Variants in RNF150 observed in about 807,000 individuals in gnomAD.
The protein encoded by RNF150 is ring finger protein 150.
In RNF150, 24 loss-of-function variants were observed where a neutral mutation model predicts 39.3. The ratio of observed to expected loss-of-function variants is 0.61; its 90% CI spans 0.44 to 0.86. The LOEUF is 0.86. Among genes scored for constraint, RNF150 ranks in the 40% least tolerant of loss-of-function variants. The pLI is 0.00. For synonymous variants in RNF150, 255 were observed against 227.3 expected, an observed-to-expected ratio of 1.12 and a Z score of -1.10; for missense variants, 502 against 587.8, an observed-to-expected ratio of 0.85 and a Z score of 1.51.
At chr4:141,007,497 G>C (rs1734918167) in intron 1 of RNF150, among the ~76,000 whole-genome samples, 2 of 152,114 alleles carry the variant, frequency 1.3e-5, no homozygotes, top group Admixed American at 6.5e-5. Context: ...TATATTTTAT[G>C]TTTCAGTTGA....
chr4:140,988,484 AAT>A (rs777499889), intron 1 of RNF150, among the ~76,000 whole-genome samples: 139 of 151,636 alleles, frequency 9.2e-4, no homozygotes, highest in Non-Finnish European at 1.8e-3. Context: ...AATATTCACA[AAT>A]ATATATATAT....
At chr4:141,137,096 T>C (rs1427016648), upstream of RNF150, among the ~76,000 whole-genome samples, 1 of 152,068 alleles carries the variant, frequency 6.6e-6, no homozygotes, top group Non-Finnish European at 1.5e-5. Context: ...AAAGAAACCA[T>C]TAAGACCATT....
At chr4:141,172,776 G>A (rs570738373) in intron 1 of RNF150, among the ~76,000 whole-genome samples, 139 of 152,304 alleles carry the variant, frequency 9.1e-4, no homozygotes, top group African/African-American at 3.2e-3. Flanking sequence ...TGTAATCCCA[G>A]CACTTTGGAA....
Position 140,861,804 on chromosome 4 carries a change from G to A in RNF150, c.*6457C>T, listed in dbSNP as rs938801343. On this transcript the variant is annotated 3_prime_UTR_variant, in exon 7 of 7. Coordinates refer to ENST00000515673, the MANE Select transcript of RNF150 (RefSeq NM_020724.2). ...AACAATGTTCTGAGTTCAGTAAAGCGCTAGATTTGTTGGAAAGTTTTGAAG... is the reference window on the plus strand; with the variant it reads ...AACAATGTTCTGAGTTCAGTAAAGCACTAGATTTGTTGGAAAGTTTTGAAG... The A allele has an allele frequency of 6.6e-6, 1 of 152,128 alleles. No individual in the cohort carries two copies. The highest frequency in any genetic ancestry group is 1.5e-5 in the Non-Finnish European group (1 of 68,016). 9.4% of individuals were successfully genotyped at this position (152,128 alleles called of 1,614,324 possible).
chr4:141,205,440 A>T (rs1728359679), intron 1 of RNF150, among the ~76,000 whole-genome samples: 1 of 152,304 alleles, frequency 6.6e-6, no homozygotes, highest in East Asian at 1.9e-4. Context: ...TTGGGTTTGG[A>T]AAGGCAAAAT....
intron 1 of RNF150, among the ~76,000 whole-genome samples, chr4:141,159,803 C>CA (rs1400259525): frequency 2.6e-5 from 4 of 152,190 alleles, no homozygotes; most frequent in Admixed American, 2.0e-4. Context: ...CTTGGCCTCC[C>CA]AAAGTGTTGG....
intron 1 of RNF150, among the ~76,000 whole-genome samples, chr4:141,096,292 G>T (rs1738780197): frequency 6.8e-6 from 1 of 147,992 alleles, no homozygotes; most frequent in Non-Finnish European, 1.5e-5. Flanking sequence ...CACCTCCCGG[G>T]TTCAAGCGAT....
intron 5 of RNF150, among the ~76,000 whole-genome samples, chr4:140,913,156 G>T (rs1258767297): frequency 2.0e-5 from 3 of 152,146 alleles, no homozygotes; most frequent in Non-Finnish European, 4.4e-5. Flanking sequence ...AGCTACTGGG[G>T]AGACTGAGGC....
intron 6 of RNF150, among the ~76,000 whole-genome samples, chr4:140,896,704 A>AC (rs1560953129): frequency 3.6e-5 from 3 of 83,430 alleles, no homozygotes; most frequent in African/African-American, 1.2e-4. Context: ...AAAAAAACAA[A>AC]AAAACAAACA....
chr4:141,079,930 A>G (rs1738085979), intron 1 of RNF150, among the ~76,000 whole-genome samples: 2 of 152,234 alleles, frequency 1.3e-5, no homozygotes, highest in Admixed American at 6.5e-5. Flanking sequence ...AGGAGTTCAC[A>G]GCATTGCTAC....
chr4:140,981,717 C>T (rs559956007), intron 1 of RNF150, among the ~76,000 whole-genome samples: 6 of 152,140 alleles, frequency 3.9e-5, no homozygotes, highest in Non-Finnish European at 7.3e-5. Flanking sequence ...ACCTGTGATG[C>T]TGTGTTTTGT....
intron 4 of RNF150, among the ~76,000 whole-genome samples, chr4:140,941,344 G>T (rs1732075546): frequency 6.6e-6 from 1 of 152,156 alleles, no homozygotes; most frequent in African/African-American, 2.4e-5. Context: ...TGCTAAGATT[G>T]CTTCTTAGAG....
intron 1 of RNF150, among the ~76,000 whole-genome samples, chr4:141,057,567 C>A (rs185040588): frequency 5.3e-5 from 8 of 152,158 alleles, no homozygotes; most frequent in African/African-American, 1.9e-4. Context: ...CTCCGAGTCC[C>A]CAAAGTCCAT....
At chr4:140,948,833 A>G (rs1219276297) in intron 3 of RNF150, among the ~76,000 whole-genome samples, 2 of 152,212 alleles carry the variant, frequency 1.3e-5, no homozygotes, top group African/African-American at 4.8e-5. Flanking sequence ...CAGCACATAA[A>G]GCTGTCTTGC....
At chr4:141,183,140 CA>C (rs1490886610) in intron 1 of RNF150, among the ~76,000 whole-genome samples, 4 of 152,216 alleles carry the variant, frequency 2.6e-5, no homozygotes, top group Middle Eastern at 3.4e-3. Flanking sequence ...CATAAGACCC[CA>C]AGAAGCAGTG....
chr4:140,973,841 C>A (rs533846156), intron 1 of RNF150, among the ~76,000 whole-genome samples: 62 of 142,854 alleles, frequency 4.3e-4, no homozygotes, highest in African/African-American at 1.5e-3. Context: ...CACACCACTG[C>A]ACTCTAGCCT....
intron 1 of RNF150, among the ~76,000 whole-genome samples, chr4:141,168,709 C>T (rs975311505): frequency 1.3e-5 from 2 of 152,112 alleles, no homozygotes; most frequent in African/African-American, 2.4e-5. Flanking sequence ...AAACCAAACA[C>T]CGCATGTTCT....
intron 1 of RNF150, among the ~76,000 whole-genome samples, chr4:141,206,162 A>G (rs1037875044): frequency 2.0e-5 from 3 of 152,034 alleles, no homozygotes; most frequent in East Asian, 1.9e-4. Flanking sequence ...GCTCACACCT[A>G]TAATCCTAGC....
chr4:140,929,696 C>T (rs1310507034), intron 4 of RNF150, among the ~76,000 whole-genome samples: 1 of 152,028 alleles, frequency 6.6e-6, no homozygotes, highest in Non-Finnish European at 1.5e-5. Flanking sequence ...GTCAGTTTGG[C>T]AAGGCTGTAG....
Sources: gnomAD v4.1 joint callset for allele counts (sites outside exome capture counted in the v4.1 genomes callset) on GRCh38, gnomAD v4.1.1 for gene constraint, MANE v1.5 for transcripts, NCBI Gene and HGNC (gene_info 2026-07-23, HGNC 2026-07-21) for gene names.